The following MYBPH variants were observed in gnomAD, a reference collection of about 807,000 sequenced individuals.
MYBPH encodes myosin binding protein H, also known as myosin-binding protein H.
In MYBPH, 49 loss-of-function variants were observed where a neutral mutation model predicts 53.6. That is an observed-to-expected ratio of 0.91 (90% confidence interval 0.73 to 1.16). The LOEUF is 1.16. Among genes scored for constraint, MYBPH ranks in the 50% most tolerant of loss-of-function variants. The pLI, the probability that MYBPH is intolerant of heterozygous loss-of-function variation, is 0.00. For synonymous variants in MYBPH, 239 were observed against 249.6 expected, an observed-to-expected ratio of 0.96 and a Z score of 0.40; for missense variants, 558 against 624.1, an observed-to-expected ratio of 0.89 and a Z score of 1.13.
In MYBPH at chr1:203,175,535, C is replaced by G; in HGVS notation, c.205+16G>C. 6.2e-7 allele frequency: 1 copy of G among 1,613,438 alleles called. No individual in the cohort carries two copies. The highest frequency in any genetic ancestry group is 8.5e-7 in the Non-Finnish European group (1 of 1,179,558). Reference sequence around the variant, plus strand: ...CATGCCTGCCTCCCTCCTCCCCCTGCCCCACCTTCAGTCACCTTCACTTGG... The same window carrying G: ...CATGCCTGCCTCCCTCCTCCCCCTGGCCCACCTTCAGTCACCTTCACTTGG... On this transcript the variant is annotated intron_variant, in intron 1 of 10. Transcript: ENST00000255416.
Position 203,171,515 on chromosome 1 carries a change from T to A in MYBPH, c.661A>T (p.Ser221Cys). Residue 221 changes from serine to cysteine, a missense_variant, in exon 5 of 11, where the codon AGC (serine) becomes TGC (cysteine). Coordinates refer to ENST00000255416, the MANE Select transcript of MYBPH (RefSeq NM_004997.3). The surrounding 1 kb of genome is among the most constrained non-coding windows in gnomAD (Gnocchi z 4.2). ...GAGTCCTGGTCCCCGGTGCGCATGC[T>A]CACCCGCTGGCTGTCCAGGGCATGG... The part of the protein sequence containing the change: ...NGHALDSQRV[S>C]MRTGDQDSIL... 6.2e-7 allele frequency: 1 copy of A among 1,613,768 alleles called. No homozygotes were observed. The highest frequency in any genetic ancestry group is 8.5e-7 in the Non-Finnish European group (1 of 1,179,968).
Position 203,168,310 on chromosome 1 carries a change from T to C in MYBPH, c.*33-219A>G, listed in dbSNP as rs539028074. 5.3e-5 allele frequency among the ~76,000 whole-genome samples: 8 copies of C among 152,284 alleles called. No individual in the cohort carries two copies. The East Asian group carries it at 1.5e-3, about 29-fold the overall frequency. On this transcript the variant is annotated intron_variant, in intron 10 of 10. Transcript: ENST00000255416. ...CCAGGGGAAGGAAGGCAGGGAAAGG[T>C]TGTTATCCCCAGTTTTCGGATGAGA...
In MYBPH at chr1:203,171,209, C is replaced by A; in HGVS notation, c.794-9G>T. The A allele has an allele frequency of 6.3e-7, 1 of 1,582,170 alleles. No individual in the cohort carries two copies. The highest frequency in any genetic ancestry group is 8.6e-7 in the Non-Finnish European group (1 of 1,165,434). On this transcript the variant is annotated splice_polypyrimidine_tract_variant and intron_variant, in intron 5 of 10. Coordinates refer to ENST00000255416, the MANE Select transcript of MYBPH (RefSeq NM_004997.3). The surrounding 1 kb of genome is among the most constrained non-coding windows in gnomAD (Gnocchi z 4.2). ...GGGGGGTCCAGGTTTCTCTGTAGGC[C>A]CAGAGTGTGAGAGGAAGTGAGTGTG...
upstream of MYBPH, among the ~76,000 whole-genome samples, chr1:203,178,615 C>G (rs573563629): frequency 6.6e-6 from 1 of 152,390 alleles, no homozygotes; most frequent in African/African-American, 2.4e-5. Context: ...GAAAAGCCTT[C>G]TTTCCCAGGG....
At chr1:203,179,143 G>C (rs571121302), upstream of MYBPH, 22 of 249,012 alleles carry the variant, frequency 8.8e-5, no homozygotes, top group Admixed American at 6.9e-4. Flanking sequence ...GGGGGGCAGG[G>C]AGTTGAAGAA....
At chr1:203,168,594 G>A (rs1655629278) in intron 10 of MYBPH, 33 bp downstream of exon 10, 2 of 1,540,198 alleles carry the variant, frequency 1.3e-6, no homozygotes, top group Admixed American at 2.0e-5. Flanking sequence ...GCTGCCCACA[G>A]AGGTAACAGA....
chr1:203,169,217 C>T lies in MYBPH; in HGVS notation c.1230+36G>A, dbSNP rs12239297. ...CAGCCCTGCTGTCCCCACCTGCCCC[C>T]ACCAGCCCAGGGCACAACAGGGCCT... On this transcript the variant is annotated intron_variant, in intron 8 of 10. Transcript: ENST00000255416. 1.1e-3 allele frequency: 1,697 copies of T among 1,582,282 alleles called. 14 individuals are homozygous for T. In the African/African-American group the frequency reaches 0.014, roughly 13 times the overall value.
intron 3 of MYBPH, 125 bp downstream of exon 3, chr1:203,174,305 T>C: frequency 6.9e-7 from 1 of 1,446,980 alleles, no homozygotes; most frequent in Non-Finnish European, 9.1e-7. Context: ...AGCGTGTGGC[T>C]TGTGCATGTG....
chr1:203,177,448 C>T (rs1289913666), upstream of MYBPH, among the ~76,000 whole-genome samples: 1 of 152,356 alleles, frequency 6.6e-6, no homozygotes, highest in South Asian at 2.1e-4. Flanking sequence ...GCATGCTCTT[C>T]CCTTTCCTGA....
rs763638152 is a variant in MYBPH at position 203,175,802 on chromosome 1, G to A, written c.-47C>T. The A allele has an allele frequency of 2.1e-5, 33 of 1,597,534 alleles. No individual in the cohort carries two copies. The highest frequency in any genetic ancestry group is 4.0e-5 in the African/African-American group (3 of 74,650). On this transcript the variant is annotated 5_prime_UTR_variant, in exon 1 of 11. The change creates a new upstream start codon in the 5' untranslated region. Coordinates refer to ENST00000255416, the MANE Select transcript of MYBPH (RefSeq NM_004997.3). ...AGGGTGGAGTGTGCAGGGGTCAGCC[G>A]TTGGGGGGCCTGGGCCTCTAGGGTG...
At chr1:203,173,252 G>A (rs879426007) in intron 3 of MYBPH, among the ~76,000 whole-genome samples, 13 of 152,218 alleles carry the variant, frequency 8.5e-5, no homozygotes, top group East Asian at 1.9e-4. Flanking sequence ...GCCCAGCACC[G>A]TCCCAACCAA....
At chr1:203,170,973 A>C (rs1571820708) in intron 6 of MYBPH, 88 bp downstream of exon 6, 2 of 1,485,456 alleles carry the variant, frequency 1.3e-6, no homozygotes, top group East Asian at 4.7e-5. Flanking sequence ...CGATCCCTAG[A>C]CTCGGTCCCT....
At chr1:203,169,176 C>G in intron 8 of MYBPH, 77 bp downstream of exon 8, 7 of 1,578,032 alleles carry the variant, frequency 4.4e-6, no homozygotes, top group Non-Finnish European at 6.0e-6. Context: ...TAGGTGTGGA[C>G]GCCCGGAGGA....
At position 203,172,533 on chromosome 1, in the gene MYBPH, T is replaced by C. The variant is rs199974233; in HGVS notation, c.509-493A>G. On this transcript the variant is annotated intron_variant, in intron 3 of 10. Transcript: ENST00000255416. ...GCCTTTGTGAAACCCTGTTTGTCCA[T>C]TCCTCTGTCTCCAGGCCCTATTGAA... Among the ~76,000 whole-genome samples, 12 of 152,338 alleles carry C rather than the reference T, an allele frequency of 7.9e-5. No individual in the cohort carries two copies. In the East Asian group the frequency reaches 2.1e-3, roughly 27 times the overall value.
At position 203,171,100 on chromosome 1, in the gene MYBPH, G is replaced by T. The variant is rs201405978; in HGVS notation, c.894C>A (p.Leu298=). The T allele has an allele frequency of 6.0e-5, 96 of 1,611,540 alleles. No homozygotes were observed. In the African/African-American group the frequency reaches 1.1e-3, roughly 18 times the overall value. ...TPPQDTGNTE[L]LGYMVQKADK... is the part of the protein sequence containing the mutation. The stretch of plus-strand genomic sequence containing the variant: ...CTGCCTTCTGCACCATGTAGCCCAG[G>T]AGCTCTGTGTTGCCTGTGTCCTGGG... Residue 298 remains leucine, a synonymous_variant, in exon 6 of 11, where the codon CTC becomes CTA. Transcript: ENST00000255416. This position sits in a 1 kb window ranked among gnomAD's most constrained non-coding sequence, Gnocchi z 4.2.
In MYBPH at chr1:203,171,576, C is replaced by T. The variant is rs1449207486; in HGVS notation, c.600G>A (p.Gly200=). Residue 200 remains glycine (G), a splice_region_variant and synonymous_variant, in exon 5 of 11, where the codon GGG becomes GGA. Coordinates refer to ENST00000255416, the MANE Select transcript of MYBPH (RefSeq NM_004997.3). This position sits in a 1 kb window ranked among gnomAD's most constrained non-coding sequence, Gnocchi z 4.2. The part of the protein sequence containing the change: ...ETVNLQIPFQ[G]KPKPQATWTH... ...TCCATGTGGCCTGAGGCTTAGGCTT[C>T]CCCTGGCAGGGAGGAGCCCCCAGGG... The T allele has an allele frequency of 1.9e-6, 3 of 1,610,792 alleles. No individual in the cohort carries two copies. Among genetic ancestry groups the T allele is most frequent in the African/African-American group, 1.3e-5 (1 of 75,000 alleles).
chr1:203,171,966 G>T lies in MYBPH; in HGVS notation c.583C>A (p.Gln195Lys), dbSNP rs748321207. The part of the protein sequence containing the change: ...IRQVGETVNL[Q>K]IPFQGKPKPQ... The stretch of plus-strand genomic sequence containing the variant: ...GTAATACCCACCTGGAAGGGGATTT[G>T]CAGGTTGACCGTCTCTCCCACCTGG... Residue 195 changes from glutamine (Q) to lysine (K), a missense_variant, in exon 4 of 11, where the codon CAA (glutamine) becomes AAA (lysine). Coordinates refer to ENST00000255416, the MANE Select transcript of MYBPH (RefSeq NM_004997.3). This position sits in a 1 kb window ranked among gnomAD's most constrained non-coding sequence, Gnocchi z 4.2. 9 of 1,323,860 alleles carry T rather than the reference G, an allele frequency of 6.8e-6. No individual in the cohort carries two copies. The highest frequency in any genetic ancestry group is 8.7e-6 in the Non-Finnish European group (9 of 1,028,966). The allele number at this position is 1,323,860 out of a possible 1,614,324, so 82.0% of individuals were successfully genotyped here.
intron 9 of MYBPH, 74 bp from the exon 10 acceptor site, chr1:203,168,749 T>TC (rs1387848624): frequency 3.2e-5 from 51 of 1,605,372 alleles, no homozygotes; most frequent in Non-Finnish European, 4.3e-5. Flanking sequence ...TACACCCTCT[T>TC]CTACACCTGT....
Position 203,171,875 on chromosome 1 carries a change from G to T in MYBPH, c.597+77C>A. ...TCTCAGCTGGACCCTTGGAGACCCT[G>T]CCATCTCCCAGGCTCCCCTTAAATG... On this transcript the variant is annotated intron_variant, in intron 4 of 10. Coordinates refer to ENST00000255416, the MANE Select transcript of MYBPH (RefSeq NM_004997.3). The surrounding 1 kb of genome is among the most constrained non-coding windows in gnomAD (Gnocchi z 4.2). 1 of 964,772 alleles carries T rather than the reference G, an allele frequency of 1.0e-6. No individual in the cohort carries two copies. Among genetic ancestry groups the T allele is most frequent in the Non-Finnish European group, 1.4e-6 (1 of 716,486 alleles). The allele number at this position is 964,772 out of a possible 1,614,324, so 59.8% of individuals were successfully genotyped here.
Sources: gnomAD v4.1 joint callset for allele counts (sites outside exome capture counted in the v4.1 genomes callset) on GRCh38, gnomAD v4.1.1 for gene constraint, Gnocchi (gnomAD v3.1) non-coding constraint, MANE v1.5 for transcripts, NCBI Gene and HGNC (gene_info 2026-07-23, HGNC 2026-07-21) for gene names.